The following ADGRL3 variants were observed in gnomAD, a reference collection of about 807,000 sequenced individuals.
ADGRL3 encodes the protein adhesion G protein-coupled receptor L3.
A neutral mutation model predicts 153.5 loss-of-function variants in ADGRL3; 62 were observed. The observed-to-expected ratio is 0.40, with a 90% confidence interval of 0.33 to 0.50. ADGRL3 has a LOEUF of 0.50. Ranked by LOEUF, ADGRL3 falls within the 20% of genes least tolerant of loss-of-function variation. The pLI is 0.47. For missense variants in ADGRL3, 1,641 were observed against 1,859.4 expected (o/e 0.88, Z 2.16); for synonymous variants, 710 against 672.5 (o/e 1.06, Z -0.86).
Position 61,375,580 on chromosome 4 carries a change from T to C in ADGRL3, c.-239-7544T>C, listed in dbSNP as rs547311836. 6.6e-5 allele frequency among the ~76,000 whole-genome samples: 10 copies of C among 152,258 alleles called. No individual in the cohort carries two copies. The South Asian group carries it at 1.9e-3, about 28-fold the overall frequency. On this transcript the variant is annotated intron_variant, in intron 1 of 26. Coordinates refer to ENST00000683033, the MANE Select transcript of ADGRL3 (RefSeq NM_001387552.1). ...TTAACCAGTGTGAAAGGAAAGGAGA[T>C]GGAGCAATGGTAGAGTGCTTAAATA...
At chr4:61,823,778 T>C (rs2097775934) in intron 9 of ADGRL3, among the ~76,000 whole-genome samples, 2 of 152,152 alleles carry the variant, frequency 1.3e-5, no homozygotes, top group Admixed American at 6.6e-5. Context: ...AAGTAATCCA[T>C]AGGCTGGGCA....
intron 17 of ADGRL3, among the ~76,000 whole-genome samples, chr4:61,955,071 C>A (rs1236103564): frequency 6.6e-6 from 1 of 152,156 alleles, no homozygotes; most frequent in African/African-American, 2.4e-5. Flanking sequence ...TTTTCAATAA[C>A]ATTACATTTT....
chr4:61,446,864 C>T (rs1180484957), intron 2 of ADGRL3, among the ~76,000 whole-genome samples: 1 of 152,110 alleles, frequency 6.6e-6, no homozygotes, highest in African/African-American at 2.4e-5. Context: ...GTAATAATTG[C>T]ATTACAATAA....
chr4:61,566,787 A>G (rs2098818061), intron 4 of ADGRL3, among the ~76,000 whole-genome samples: 1 of 152,144 alleles, frequency 6.6e-6, no homozygotes, highest in Admixed American at 6.6e-5. Flanking sequence ...TATTTTTAGA[A>G]TATGCTTATG....
intron 19 of ADGRL3, among the ~76,000 whole-genome samples, chr4:61,985,400 T>A (rs888576049): frequency 8.5e-5 from 13 of 152,198 alleles, no homozygotes; most frequent in Admixed American, 8.5e-4. Flanking sequence ...GGTGAGGTCA[T>A]GTCAAGAGAA....
chr4:61,864,731 G>T (rs1034189974), intron 9 of ADGRL3, among the ~76,000 whole-genome samples: 1 of 152,114 alleles, frequency 6.6e-6, no homozygotes, highest in Non-Finnish European at 1.5e-5. Flanking sequence ...TTTCAACGAC[G>T]ATTCTTTTGA....
intron 2 of ADGRL3, among the ~76,000 whole-genome samples, chr4:61,461,045 G>A (rs2097807553): frequency 6.6e-6 from 1 of 152,148 alleles, no homozygotes; most frequent in African/African-American, 2.4e-5. Context: ...ACTCCAGCCT[G>A]GGTGACAGAG....
intron 1 of ADGRL3, among the ~76,000 whole-genome samples, chr4:61,338,813 A>G (rs1439680448): frequency 1.3e-5 from 2 of 152,202 alleles, no homozygotes; most frequent in African/African-American, 4.8e-5. Flanking sequence ...CAGCATCATA[A>G]TGAACATTTT....
intron 1 of ADGRL3, among the ~76,000 whole-genome samples, chr4:61,345,094 G>T (rs1188348856): frequency 6.6e-6 from 1 of 151,572 alleles, no homozygotes; most frequent in South Asian, 2.1e-4. Context: ...CATCACGCCC[G>T]GCCTTACATT....
intron 5 of ADGRL3, among the ~76,000 whole-genome samples, chr4:61,642,278 G>A (rs2093717150): frequency 6.6e-6 from 1 of 152,118 alleles, no homozygotes; most frequent in African/African-American, 2.4e-5. Flanking sequence ...CTGTGCAGAA[G>A]CTCTTTACTT....
chr4:61,550,366 G>A (rs1579474390), intron 4 of ADGRL3, among the ~76,000 whole-genome samples: 1 of 152,048 alleles, frequency 6.6e-6, no homozygotes, highest in East Asian at 1.9e-4. Context: ...TACAAAGTTG[G>A]TATGATAAAT....
At chr4:62,020,414 T>C (rs2099232604) in intron 21 of ADGRL3, among the ~76,000 whole-genome samples, 1 of 152,040 alleles carries the variant, frequency 6.6e-6, no homozygotes, top group South Asian at 2.1e-4. Flanking sequence ...AATTCAAGGC[T>C]CAATATAAGT....
intron 2 of ADGRL3, among the ~76,000 whole-genome samples, chr4:61,486,387 C>T (rs887995601): frequency 6.6e-6 from 1 of 152,046 alleles, no homozygotes; most frequent in South Asian, 2.1e-4. Flanking sequence ...TCACTAGATG[C>T]GATATATTGT....
At chr4:62,024,443 A>G (rs911118331) in intron 21 of ADGRL3, among the ~76,000 whole-genome samples, 1 of 152,132 alleles carries the variant, frequency 6.6e-6, no homozygotes, top group Non-Finnish European at 1.5e-5. Flanking sequence ...ACATAGGAAT[A>G]TAGCTTTTGG....
At chr4:61,421,161 C>T (rs375716824) in intron 2 of ADGRL3, among the ~76,000 whole-genome samples, 125 of 152,122 alleles carry the variant, frequency 8.2e-4, no homozygotes, top group African/African-American at 2.7e-3. Flanking sequence ...GGTGAAACCC[C>T]GTCTCTACTA....
At chr4:61,394,824 T>G (rs2096851941) in intron 2 of ADGRL3, among the ~76,000 whole-genome samples, 1 of 152,062 alleles carries the variant, frequency 6.6e-6, no homozygotes, top group African/African-American at 2.4e-5. Context: ...CTCTTACAAG[T>G]GTAATGGAAG....
chr4:61,345,434 T>A (rs1693125338), intron 1 of ADGRL3, among the ~76,000 whole-genome samples: 1 of 152,176 alleles, frequency 6.6e-6, no homozygotes, highest in African/African-American at 2.4e-5. Flanking sequence ...TTAAATTATT[T>A]GTTTTATTGG....
At chr4:61,965,076 C>T (rs2099001128) in intron 17 of ADGRL3, among the ~76,000 whole-genome samples, 1 of 152,034 alleles carries the variant, frequency 6.6e-6, no homozygotes, top group African/African-American at 2.4e-5. Context: ...TCATGGTTCA[C>T]CATAGCCTTG....
intron 9 of ADGRL3, among the ~76,000 whole-genome samples, chr4:61,840,627 G>C (rs1581090217): frequency 6.6e-6 from 1 of 152,194 alleles, no homozygotes; most frequent in East Asian, 1.9e-4. Context: ...GCCTTTGGGA[G>C]GTTATAATAA....
Sources: gnomAD v4.1 joint callset for allele counts (sites outside exome capture counted in the v4.1 genomes callset) on GRCh38, gnomAD v4.1.1 for gene constraint, MANE v1.5 for transcripts, NCBI Gene and HGNC (gene_info 2026-07-23, HGNC 2026-07-21) for gene names.